The following MFSD6 variants were observed in gnomAD, a reference collection of about 807,000 sequenced individuals.
MFSD6 encodes the protein major facilitator superfamily domain containing 6, also known as major facilitator superfamily domain-containing protein 6.
A neutral mutation model predicts 56.3 loss-of-function variants in MFSD6; 26 were observed. The observed-to-expected ratio is 0.46, with a 90% CI of 0.34 to 0.64. The LOEUF is 0.64. Ranked by LOEUF, MFSD6 falls within the 30% of genes least tolerant of loss-of-function variation. The pLI is 0.01. For missense variants in MFSD6, 750 were observed against 986.2 expected (o/e 0.76, Z 3.21); for synonymous variants, 331 against 366.9 (o/e 0.90, Z 1.12).
rs902182484 is a variant in MFSD6, at chr2:190,454,494, A to G, written c.1533-15264A>G. On this transcript the variant is annotated intron_variant, in intron 3 of 7. Transcript: ENST00000392328. The surrounding 1 kb of genome is among the most constrained non-coding windows in gnomAD (Gnocchi z 4.6). Reference sequence around the variant, plus strand: ...TAGTGCCCTTACAAGAATACATGCTAGAGAGCTTGCTTGTGTACGACTCTT... The same window carrying G: ...TAGTGCCCTTACAAGAATACATGCTGGAGAGCTTGCTTGTGTACGACTCTT... 6.6e-6 allele frequency: 1 copy of G among 152,140 alleles called. No homozygotes were observed. The highest frequency in any genetic ancestry group is 1.5e-5 in the Non-Finnish European group (1 of 68,082). 9.4% of individuals were successfully genotyped at this position (152,140 alleles called of 1,614,324 possible).
chr2:190,412,992 C>T lies in MFSD6; in HGVS notation c.-175-2300C>T, dbSNP rs116388929. On this transcript the variant is annotated intron_variant, in intron 1 of 7. Coordinates refer to ENST00000392328, the MANE Select transcript of MFSD6 (RefSeq NM_017694.4). This position sits in a 1 kb window ranked among gnomAD's most constrained non-coding sequence, Gnocchi z 4.1. ...CAACCAAATAATAAATAATTACAAA[C>T]GTGGAACACCTAAACCTTGAGCCTA... 1.4e-4 allele frequency among the ~76,000 whole-genome samples: 22 copies of T among 152,252 alleles called. No homozygotes were observed. Among genetic ancestry groups the T allele is most frequent in the African/African-American group, 5.3e-4 (22 of 41,548 alleles).
intron 4 of MFSD6, among the ~76,000 whole-genome samples, chr2:190,474,581 A>C (rs867154786): frequency 2.0e-5 from 3 of 152,358 alleles, no homozygotes; most frequent in Middle Eastern, 3.4e-3. Flanking sequence ...TTAATAGCTT[A>C]CCAACCAAAA....
intron 4 of MFSD6, among the ~76,000 whole-genome samples, chr2:190,472,461 T>C (rs1688004976): frequency 1.3e-5 from 2 of 152,208 alleles, no homozygotes; most frequent in Admixed American, 1.3e-4. Context: ...AGTAGCTGAT[T>C]TGATCATCTG....
chr2:190,472,785 C>G (rs1688026538), intron 4 of MFSD6, among the ~76,000 whole-genome samples: 1 of 152,144 alleles, frequency 6.6e-6, no homozygotes, highest in Non-Finnish European at 1.5e-5. Context: ...ACATAATTGT[C>G]AGATTCACCA....
At chr2:190,440,917 GA>G (rs1686349629) in intron 3 of MFSD6, among the ~76,000 whole-genome samples, 1 of 152,188 alleles carries the variant, frequency 6.6e-6, no homozygotes, top group South Asian at 2.1e-4. Context: ...GCTGCAGGAT[GA>G]ACCAGAACAG....
At position 190,458,560 on chromosome 2, in the gene MFSD6, C is replaced by T. The variant is rs1168688794; in HGVS notation, c.1533-11198C>T. 6.6e-6 allele frequency among the ~76,000 whole-genome samples: 1 copy of T among 152,162 alleles called. No individual in the cohort carries two copies. The highest frequency in any genetic ancestry group is 6.5e-5 in the Admixed American group (1 of 15,280). ...AGCAGCCTTAGCAAACTAATACAGT[C>T]CTGTAGGCCTAGCTTCACCCCAGTT... On this transcript the variant is annotated intron_variant, in intron 3 of 7. Transcript: ENST00000392328. The surrounding 1 kb of genome is among the most constrained non-coding windows in gnomAD (Gnocchi z 5.3).
rs192753999 is a variant in MFSD6 at position 190,433,223 on chromosome 2, A to C, written c.-53-2754A>C. 151 of 152,288 alleles carry C rather than the reference A, an allele frequency of 9.9e-4. 1 individual carries two copies. The highest frequency in any genetic ancestry group is 3.5e-3 in the African/African-American group (145 of 41,554). The allele number at this position is 152,288 out of a possible 1,614,324, so 9.4% of individuals were successfully genotyped here. A position where few individuals can be genotyped will look rare whatever the true frequency, so the allele number is the denominator to read the frequency against. On this transcript the variant is annotated intron_variant, in intron 2 of 7. Transcript: ENST00000392328. This position sits in a 1 kb window ranked among gnomAD's most constrained non-coding sequence, Gnocchi z 4.5. ...TCTCTTTACCCAGAAGTATCACATA[A>C]TTTTATACATTTGAAACACAAGAAA...
chr2:190,458,194 C>T lies in MFSD6; in HGVS notation c.1533-11564C>T, dbSNP rs866653468. ...GCATTTTAATGGGCTGAATTGTGGC[C>T]CCTGAAGATTCATACGTTGAGGTCC... On this transcript the variant is annotated intron_variant, in intron 3 of 7. Coordinates refer to ENST00000392328, the MANE Select transcript of MFSD6 (RefSeq NM_017694.4). This position sits in a 1 kb window ranked among gnomAD's most constrained non-coding sequence, Gnocchi z 5.3. Among the ~76,000 whole-genome samples, 21 of 152,174 alleles carry T rather than the reference C, an allele frequency of 1.4e-4. No homozygotes were observed. Among genetic ancestry groups the T allele is most frequent in the African/African-American group, 5.1e-4 (21 of 41,518 alleles).
chr2:190,466,476 G>A (rs113124452), intron 3 of MFSD6, among the ~76,000 whole-genome samples: 9 of 152,310 alleles, frequency 5.9e-5, no homozygotes, highest in African/African-American at 2.2e-4. Flanking sequence ...AATGGTTGGT[G>A]AGGAAGGAAT....
intron 2 of MFSD6, among the ~76,000 whole-genome samples, chr2:190,427,922 G>A (rs2125020291): frequency 6.6e-6 from 1 of 152,178 alleles, no homozygotes; most frequent in South Asian, 2.1e-4. Context: ...AGTAGAGATG[G>A]GGTTTCACCA....
At chr2:190,479,221 TC>T (rs1392684821) in intron 4 of MFSD6, among the ~76,000 whole-genome samples, 2 of 152,224 alleles carry the variant, frequency 1.3e-5, no homozygotes, top group Non-Finnish European at 2.9e-5. Context: ...GTTATTTCTT[TC>T]CCATGATCTT....
At chr2:190,474,555 G>C (rs1688165941) in intron 4 of MFSD6, among the ~76,000 whole-genome samples, 1 of 152,180 alleles carries the variant, frequency 6.6e-6, no homozygotes, top group African/African-American at 2.4e-5. Context: ...AAAAGGCTCT[G>C]AAATTGAGGC....
intron 3 of MFSD6, chr2:190,464,849 T>C (rs1687513372): frequency 1.1e-6 from 1 of 909,044 alleles, no homozygotes. Flanking sequence ...GATAGTGGCA[T>C]CTTAATAAAT....
chr2:190,436,837 T>A lies in MFSD6; in HGVS notation c.808T>A (p.Leu270Ile), dbSNP rs773620636. 6.2e-7 allele frequency: 1 copy of A among 1,614,224 alleles called. No individual in the cohort carries two copies. Among genetic ancestry groups the A allele is most frequent in the South Asian group, 1.1e-5 (1 of 91,084 alleles). The change falls in exon 3 of 8, where the codon TTA (leucine) becomes ATA (isoleucine). Residue 270 changes from leucine (L) to isoleucine (I), a missense_variant. Physicochemically the swap from Leu to Ile is conservative, Grantham distance 5 (BLOSUM62 2). Around this residue, in one of 5 missense-constraint regions of MFSD6, gnomAD observed 376 missense variants for 437.9 expected, o/e 0.86. Transcript: ENST00000392328. The surrounding 1 kb of genome is among the most constrained non-coding windows in gnomAD (Gnocchi z 5.3). Reference protein sequence around the residue: ...TTVIVTTTKSLPSDQVMLVYD... With the variant: ...TTVIVTTTKSIPSDQVMLVYD... ...TGTTATTGTTACCACCACCAAATCT[T>A]TACCTTCTGACCAAGTCATGCTTGT... is the stretch of plus-strand genomic sequence containing the variant.
chr2:190,476,160 T>G lies in MFSD6; in HGVS notation c.1630+6305T>G, dbSNP rs535058704. 3.9e-3 allele frequency among the ~76,000 whole-genome samples: 592 copies of G among 152,236 alleles called. 4 individuals carry two copies. The highest frequency in any genetic ancestry group is 0.014 in the African/African-American group (573 of 41,552). On this transcript the variant is annotated intron_variant, in intron 4 of 7. Coordinates refer to ENST00000392328, the MANE Select transcript of MFSD6 (RefSeq NM_017694.4). ...TCAGGACATAGGCATGGGCAAGGAC[T>G]TCATGTCTAAAACACCAAAAGCAAT...
At position 190,462,778 on chromosome 2, in the gene MFSD6, A is replaced by G. The variant is rs1687396057; in HGVS notation, c.1533-6980A>G. ...CCCAAGTCATATCTTGGAAAAAGGG[A>G]GAGAGATACTGTCAGCCCTGCTACT... On this transcript the variant is annotated intron_variant, in intron 3 of 7. Coordinates refer to ENST00000392328, the MANE Select transcript of MFSD6 (RefSeq NM_017694.4). This position sits in a 1 kb window ranked among gnomAD's most constrained non-coding sequence, Gnocchi z 5.7. Among the ~76,000 whole-genome samples, 1 of 152,162 alleles carries G rather than the reference A, an allele frequency of 6.6e-6. No individual in the cohort carries two copies. The highest frequency in any genetic ancestry group is 1.5e-5 in the Non-Finnish European group (1 of 68,022).
chr2:190,441,783 G>C (rs1248266998), intron 3 of MFSD6, among the ~76,000 whole-genome samples: 1 of 152,092 alleles, frequency 6.6e-6, no homozygotes, highest in Non-Finnish European at 1.5e-5. Context: ...CCCACCCACT[G>C]TGGGTGGCCC....
In MFSD6 at chr2:190,467,955, G is replaced by A. The variant is rs1020030296; in HGVS notation, c.1533-1803G>A. The stretch of plus-strand genomic sequence containing the variant: ...TCGTGAAGCCTAAACTGTTTAATGT[G>A]TGGTCCTTTATAGAAAAGTGTTTGC... On this transcript the variant is annotated intron_variant, in intron 3 of 7. Coordinates refer to ENST00000392328, the MANE Select transcript of MFSD6 (RefSeq NM_017694.4). The surrounding 1 kb of genome is among the most constrained non-coding windows in gnomAD (Gnocchi z 5.5). 6.6e-6 allele frequency among the ~76,000 whole-genome samples: 1 copy of A among 152,224 alleles called. No homozygotes were observed. The highest frequency in any genetic ancestry group is 2.4e-5 in the African/African-American group (1 of 41,458).
intron 1 of MFSD6, chr2:190,411,726 G>A: frequency 1.0e-6 from 1 of 985,422 alleles, no homozygotes; most frequent in Non-Finnish European, 1.2e-6. Context: ...GTGGCATACT[G>A]AGAATTGGGG....
Sources: gnomAD v4.1 joint callset for allele counts (sites outside exome capture counted in the v4.1 genomes callset) on GRCh38, gnomAD v4.1.1 for gene constraint, gnomAD v4.1.1 regional missense constraint, Gnocchi (gnomAD v3.1) non-coding constraint, MANE v1.5 for transcripts, NCBI Gene and HGNC (gene_info 2026-07-23, HGNC 2026-07-21) for gene names.